ARFGEF1: variants seen among roughly 807,000 people sequenced by gnomAD.
The protein encoded by ARFGEF1 is brefeldin A-inhibited guanine nucleotide-exchange protein 1.
In ARFGEF1, 42 loss-of-function variants were observed where a neutral mutation model predicts 231.0. The observed-to-expected ratio is 0.18, with a 90% CI of 0.14 to 0.24. The LOEUF is 0.24. Among genes scored for constraint, ARFGEF1 ranks in the 10% least tolerant of loss-of-function variants. The pLI is 1.00. For synonymous variants in ARFGEF1, 710 were observed against 732.3 expected (o/e 0.97, Z 0.49); for missense variants, 1,345 against 2,192.0 (o/e 0.61, Z 7.72).
In ARFGEF1 at chr8:67,224,892, T is replaced by C. The variant is rs758969427; in HGVS notation, c.4208+11A>G. The C allele has an allele frequency of 4.6e-5, 70 of 1,518,336 alleles. No individual in the cohort carries two copies. Among genetic ancestry groups the C allele is most frequent in the Non-Finnish European group, 6.0e-5 (68 of 1,130,896 alleles). The allele number at this position is 1,518,336 out of a possible 1,614,324, so 94.1% of individuals were successfully genotyped here. ...AAATCCAAAATTTTAATTACAAATA[T>C]AGATTGTTACCTGGTTCTTACATCT... On this transcript the variant is annotated intron_variant, in intron 29 of 38. Coordinates refer to ENST00000262215, the MANE Select transcript of ARFGEF1 (RefSeq NM_006421.5).
chr8:67,250,535 A>G (rs1840248866), intron 19 of ARFGEF1, among the ~76,000 whole-genome samples: 1 of 152,214 alleles, frequency 6.6e-6, no homozygotes. Context: ...AAAATTTTGG[A>G]GCTAAAAGGA....
intron 5 of ARFGEF1, among the ~76,000 whole-genome samples, chr8:67,186,890 A>G (rs1834750132): frequency 6.6e-6 from 1 of 152,198 alleles, no homozygotes; most frequent in African/African-American, 2.4e-5. Context: ...TACAAGTGAA[A>G]TTTGAAATTA....
chr8:67,264,834 C>T (rs561208971), intron 14 of ARFGEF1, among the ~76,000 whole-genome samples: 24 of 152,268 alleles, frequency 1.6e-4, no homozygotes, highest in Middle Eastern at 3.4e-3. Flanking sequence ...GCAGTACTTA[C>T]TCTGTACGAC....
chr8:67,242,210 C>G (rs552397806), intron 19 of ARFGEF1, among the ~76,000 whole-genome samples: 1 of 152,194 alleles, frequency 6.6e-6, no homozygotes, highest in Non-Finnish European at 1.5e-5. Flanking sequence ...GTGGAGGATA[C>G]ACAACCTACT....
chr8:67,252,165 G>A (rs960481401), intron 18 of ARFGEF1, among the ~76,000 whole-genome samples: 1 of 151,820 alleles, frequency 6.6e-6, no homozygotes, highest in Non-Finnish European at 1.5e-5. Context: ...CCAGCTACTC[G>A]GGAGGCTGAG....
Position 67,238,502 on chromosome 8 carries a change from C to G in ARFGEF1, c.3139-9G>C, listed in dbSNP as rs770471785. On this transcript the variant is annotated splice_polypyrimidine_tract_variant and intron_variant, in intron 21 of 38. Coordinates refer to ENST00000262215, the MANE Select transcript of ARFGEF1 (RefSeq NM_006421.5). The stretch of plus-strand genomic sequence containing the variant: ...CTGATGCACTTCAGAATCTTAATTA[C>G]AAAAAGGAAAAAAATGTTAAATTCC... 2.5e-6 allele frequency: 4 copies of G among 1,580,032 alleles called. No individual in the cohort carries two copies. The highest frequency in any genetic ancestry group is 2.6e-6 in the Non-Finnish European group (3 of 1,170,936).
chr8:67,342,432 T>G (rs1041829416), intron 1 of ARFGEF1, among the ~76,000 whole-genome samples: 10 of 152,176 alleles, frequency 6.6e-5, no homozygotes, highest in Non-Finnish European at 8.8e-5. Flanking sequence ...GGTGTCATTG[T>G]CTTTTTCATT....
chr8:67,189,265 G>T (rs534497734), intron 5 of ARFGEF1, among the ~76,000 whole-genome samples: 1 of 152,134 alleles, frequency 6.6e-6, no homozygotes, highest in Non-Finnish European at 1.5e-5. Context: ...ACACTCCTTG[G>T]TATTTGCCTA....
chr8:67,222,875 T>TG (rs1839247214), intron 29 of ARFGEF1, among the ~76,000 whole-genome samples: 1 of 152,204 alleles, frequency 6.6e-6, no homozygotes, highest in Admixed American at 6.5e-5. Context: ...CGTGAGCCAC[T>TG]GCACCCAGCC....
At chr8:67,300,540 C>G (rs1485820729) in intron 3 of ARFGEF1, among the ~76,000 whole-genome samples, 1 of 151,646 alleles carries the variant, frequency 6.6e-6, no homozygotes, top group Admixed American at 6.6e-5. Context: ...AGACACTGGC[C>G]AGGCACAGTG....
At chr8:67,241,998 C>T (rs1839945085) in intron 19 of ARFGEF1, among the ~76,000 whole-genome samples, 1 of 152,162 alleles carries the variant, frequency 6.6e-6, no homozygotes, top group South Asian at 2.1e-4. Flanking sequence ...GAGCTGATGC[C>T]CACCCACAGA....
intron 5 of ARFGEF1, among the ~76,000 whole-genome samples, chr8:67,190,300 T>G (rs1307512270): frequency 6.6e-6 from 1 of 152,210 alleles, no homozygotes; most frequent in African/African-American, 2.4e-5. Flanking sequence ...AACACCTTAT[T>G]GCTAAGTGAA....
chr8:67,298,252 T>C (rs188995663), intron 4 of ARFGEF1, among the ~76,000 whole-genome samples: 245 of 152,342 alleles, frequency 1.6e-3, no homozygotes, highest in Non-Finnish European at 5.9e-4. Context: ...CTGTACTATA[T>C]ATAGCACATG....
At chr8:67,218,165 T>A in intron 30 of ARFGEF1, 27 bp from the exon 31 acceptor site, 1 of 1,236,858 alleles carries the variant, frequency 8.1e-7, no homozygotes, top group Non-Finnish European at 1.0e-6. Flanking sequence ...TTAATGAACA[T>A]CACGCCATTA....
chr8:67,225,751 T>C (rs1030954545), intron 28 of ARFGEF1, among the ~76,000 whole-genome samples: 6 of 152,124 alleles, frequency 3.9e-5, no homozygotes, highest in Non-Finnish European at 8.8e-5. Context: ...TCTTTGTCTG[T>C]ATGGGGCTAT....
intron 1 of ARFGEF1, among the ~76,000 whole-genome samples, chr8:67,341,695 A>G (rs1472804040): frequency 6.6e-6 from 1 of 152,176 alleles, no homozygotes; most frequent in Non-Finnish European, 1.5e-5. Flanking sequence ...TCTTTTAAAA[A>G]TCCTGAAATC....
chr8:67,249,459 G>A (rs764569122), intron 19 of ARFGEF1, among the ~76,000 whole-genome samples: 1 of 149,876 alleles, frequency 6.7e-6, no homozygotes, highest in Non-Finnish European at 1.5e-5. Context: ...GTAAGTCGAG[G>A]AGCATACAAG....
chr8:67,195,361 C>T (rs769025909), downstream of ARFGEF1: 11 of 1,571,426 alleles, frequency 7.0e-6, no homozygotes, highest in Admixed American at 3.3e-5. Flanking sequence ...ACCTGAGCCA[C>T]GTGTCCCTTG....
At chr8:67,180,891 G>A (rs1333783981) in intron 5 of ARFGEF1, among the ~76,000 whole-genome samples, 1 of 151,702 alleles carries the variant, frequency 6.6e-6, no homozygotes. Context: ...TTACGATTAT[G>A]TACTCTGATC....
Sources: allele counts gnomAD v4.1 joint callset (sites outside exome capture counted in the v4.1 genomes callset), GRCh38; gene constraint gnomAD v4.1.1; transcripts MANE v1.5; gene names NCBI Gene and HGNC (gene_info 2026-07-23, HGNC 2026-07-21).